The following ZDHHC14 variants were observed in gnomAD, a reference collection of about 807,000 sequenced individuals.
ZDHHC14 encodes palmitoyltransferase ZDHHC14.
ZDHHC14 carries 16 observed loss-of-function variants against 47.7 expected under a neutral mutation model. The ratio of observed to expected loss-of-function variants is 0.34; its 90% confidence interval spans 0.23 to 0.51. The LOEUF (loss-of-function observed/expected upper bound fraction) is 0.51. ZDHHC14 is among the 20% of genes least tolerant of loss of function. The pLI, the probability that ZDHHC14 is intolerant of heterozygous loss-of-function variation, is 0.97. For synonymous variants in ZDHHC14, 293 were observed against 278.9 expected (o/e 1.05, Z -0.50); for missense variants, 515 against 662.5 (o/e 0.78, Z 2.44).
At chr6:157,481,053 C>G (rs774814550) in intron 1 of ZDHHC14, among the ~76,000 whole-genome samples, 1 of 152,088 alleles carries the variant, frequency 6.6e-6, no homozygotes, top group South Asian at 2.1e-4. Flanking sequence ...GCTATTCAAC[C>G]GAAACCATTA....
At chr6:157,599,492 C>T (rs987059917) in intron 3 of ZDHHC14, among the ~76,000 whole-genome samples, 8 of 152,344 alleles carry the variant, frequency 5.3e-5, no homozygotes, top group Non-Finnish European at 7.3e-5. Flanking sequence ...GCGAAGGTGG[C>T]GACTGCCCCA....
intron 1 of ZDHHC14, among the ~76,000 whole-genome samples, chr6:157,465,674 T>A (rs545118688): frequency 6.6e-6 from 1 of 152,154 alleles, no homozygotes; most frequent in East Asian, 1.9e-4. Context: ...AAATGTCACG[T>A]ACCAGGAGAT....
intron 1 of ZDHHC14, 115 bp downstream of exon 1, chr6:157,382,381 T>A: frequency 1.6e-6 from 2 of 1,259,930 alleles, no homozygotes; most frequent in Admixed American, 5.0e-5. Context: ...AATTGTTATA[T>A]AATGCCAGTC....
intron 3 of ZDHHC14, among the ~76,000 whole-genome samples, chr6:157,620,387 C>T (rs1406881398): frequency 6.6e-6 from 1 of 152,198 alleles, no homozygotes; most frequent in African/African-American, 2.4e-5. Flanking sequence ...ATTTCTTATC[C>T]TCTTAATACA....
At chr6:157,575,543 T>G (rs2163290) in intron 2 of ZDHHC14, among the ~76,000 whole-genome samples, 50,299 of 151,910 alleles carry the variant, frequency 0.33, 9,348 homozygotes, top group East Asian at 0.56. Flanking sequence ...CCTCCTGTCC[T>G]GGGACCAGGA....
rs1017135811 is a variant in ZDHHC14, at chr6:157,651,063, C to T, written c.966-2462C>T. Among the ~76,000 whole-genome samples, 6 of 152,362 alleles carry T rather than the reference C, an allele frequency of 3.9e-5. No individual in the cohort carries two copies. The East Asian group carries it at 7.7e-4, about 20-fold the overall frequency. ...GTGCATAGGCCTCTCTGTGGGGCTC[C>T]CTCTGCGGCTCTCTTGGGCTGAGTC... On this transcript the variant is annotated intron_variant, in intron 7 of 8. Transcript: ENST00000359775.
At chr6:157,506,755 T>G (rs1377033733) in intron 1 of ZDHHC14, among the ~76,000 whole-genome samples, 3 of 152,194 alleles carry the variant, frequency 2.0e-5, no homozygotes, top group Non-Finnish European at 4.4e-5. Flanking sequence ...AATGTTAATG[T>G]GAGCTATTGT....
chr6:157,464,238 G>A (rs62423911), intron 1 of ZDHHC14, among the ~76,000 whole-genome samples: 4,052 of 152,234 alleles, frequency 0.027, 74 homozygotes, highest in Non-Finnish European at 0.042. Flanking sequence ...CTCTTGAGAA[G>A]ACTACAACCT....
intron 1 of ZDHHC14, among the ~76,000 whole-genome samples, chr6:157,507,286 A>AT (rs34582274): frequency 0.12 from 15,976 of 135,036 alleles, 1,154 homozygotes; most frequent in Non-Finnish European, 0.15. Flanking sequence ...TTCCTGACTC[A>AT]TTTTTTTTTT....
intron 1 of ZDHHC14, among the ~76,000 whole-genome samples, chr6:157,532,298 A>G (rs926920486): frequency 3.9e-5 from 6 of 152,270 alleles, no homozygotes; most frequent in African/African-American, 1.4e-4. Context: ...TATTTTGTTG[A>G]AAATGTCTCT....
chr6:157,490,938 G>C (rs1345367566), intron 1 of ZDHHC14, among the ~76,000 whole-genome samples: 1 of 152,088 alleles, frequency 6.6e-6, no homozygotes, highest in African/African-American at 2.4e-5. Flanking sequence ...TCCCTATTTT[G>C]CATATAAGAG....
intron 2 of ZDHHC14, among the ~76,000 whole-genome samples, chr6:157,587,642 A>G (rs1040613343): frequency 2.6e-5 from 4 of 152,114 alleles, no homozygotes; most frequent in Admixed American, 1.3e-4. Flanking sequence ...TCCTCCTGCC[A>G]TTGCCCCGCC....
intron 1 of ZDHHC14, among the ~76,000 whole-genome samples, chr6:157,480,613 C>T (rs894912929): frequency 2.0e-5 from 3 of 152,166 alleles, no homozygotes; most frequent in African/African-American, 7.2e-5. Context: ...CTGGTGAACT[C>T]GCTTATGGCC....
At chr6:157,624,806 GA>G in intron 3 of ZDHHC14, among the ~76,000 whole-genome samples, 1 of 152,332 alleles carries the variant, frequency 6.6e-6, no homozygotes, top group Non-Finnish European at 1.5e-5. Context: ...AAGCACAAGT[GA>G]AAAACAAATG....
At chr6:157,662,469 C>T (rs979315453) in intron 8 of ZDHHC14, among the ~76,000 whole-genome samples, 1 of 152,328 alleles carries the variant, frequency 6.6e-6, no homozygotes, top group African/African-American at 2.4e-5. Flanking sequence ...GGCGTGAGCC[C>T]CCGCGCCCAG....
intron 1 of ZDHHC14, among the ~76,000 whole-genome samples, chr6:157,504,977 A>AT (rs1780291685): frequency 6.7e-6 from 1 of 148,324 alleles, no homozygotes; most frequent in Non-Finnish European, 1.5e-5. Flanking sequence ...CACCCGGCTA[A>AT]TTTTGTATTT....
chr6:157,482,494 T>C (rs1444004274), intron 1 of ZDHHC14, among the ~76,000 whole-genome samples: 1 of 152,042 alleles, frequency 6.6e-6, no homozygotes, highest in Non-Finnish European at 1.5e-5. Context: ...CCTCAGGTGA[T>C]CCGCCCACCT....
At chr6:157,618,749 C>G (rs1785066902) in intron 3 of ZDHHC14, among the ~76,000 whole-genome samples, 1 of 152,098 alleles carries the variant, frequency 6.6e-6, no homozygotes, top group Non-Finnish European at 1.5e-5. Context: ...GGTGGGGGAA[C>G]TCAATCCTTC....
chr6:157,495,492 C>A (rs938038483), intron 1 of ZDHHC14, among the ~76,000 whole-genome samples: 1 of 152,050 alleles, frequency 6.6e-6, no homozygotes, highest in African/African-American at 2.4e-5. Flanking sequence ...CCTCTAAGGA[C>A]GGACTTTGCA....
Sources: allele counts gnomAD v4.1 joint callset (sites outside exome capture counted in the v4.1 genomes callset), GRCh38; gene constraint gnomAD v4.1.1; transcripts MANE v1.5; gene names NCBI Gene and HGNC (gene_info 2026-07-23, HGNC 2026-07-21).